The following RADIL variants were observed in gnomAD, a reference collection of about 807,000 sequenced individuals.
RADIL encodes the protein Rap associating with DIL domain.
RADIL carries 99 observed loss-of-function variants against 97.6 expected under a neutral mutation model. The ratio of observed to expected loss-of-function variants is 1.01; its 90% CI spans 0.86 to 1.20. RADIL has a LOEUF of 1.20. Ranked by LOEUF, RADIL falls within the 50% of genes most tolerant of loss-of-function variation. The pLI is 0.00. For synonymous variants in RADIL, 803 were observed against 691.8 expected (o/e 1.16, Z -2.52); for missense variants, 1,765 against 1,498.9 (o/e 1.18, Z -2.93).
chr7:4,878,475 G>C lies in RADIL; in HGVS notation c.-64-272C>G, dbSNP rs1173111988. Among the ~76,000 whole-genome samples, 1 of 152,208 alleles carries C rather than the reference G, an allele frequency of 6.6e-6. No homozygotes were observed. Among genetic ancestry groups the C allele is most frequent in the African/African-American group, 2.4e-5 (1 of 41,450 alleles). ...GGATGGCTTGAGCCCAGGAGTTCAAGATTGCAGTGAGCTATGATAGTGCCA... is the reference window on the plus strand; with the variant it reads ...GGATGGCTTGAGCCCAGGAGTTCAACATTGCAGTGAGCTATGATAGTGCCA... On this transcript the variant is annotated intron_variant, in intron 1 of 14. Transcript: ENST00000399583. This position sits in a 1 kb window ranked among gnomAD's most constrained non-coding sequence, Gnocchi z 4.1.
At chr7:4,809,091 C>T in intron 9 of RADIL, 1 of 984,196 alleles carries the variant, frequency 1.0e-6, no homozygotes, top group African/African-American at 1.8e-5. Context: ...CCTGTAGACG[C>T]TCTGCTCAGG....
At chr7:4,841,564 G>A (rs1201106922) in intron 2 of RADIL, among the ~76,000 whole-genome samples, 1 of 152,188 alleles carries the variant, frequency 6.6e-6, no homozygotes, top group Non-Finnish European at 1.5e-5. Context: ...GCGGGCGCGG[G>A]TCTCCCCTAC....
chr7:4,844,057 A>G (rs575746570), intron 2 of RADIL, among the ~76,000 whole-genome samples: 1 of 152,174 alleles, frequency 6.6e-6, no homozygotes, highest in Non-Finnish European at 1.5e-5. Context: ...CAGGAACAAG[A>G]CAAGGATGCC....
rs2115198100 is a variant in RADIL, at chr7:4,822,086, C to T, written c.1615+308G>A. On this transcript the variant is annotated intron_variant, in intron 6 of 14. Coordinates refer to ENST00000399583, the MANE Select transcript of RADIL (RefSeq NM_018059.5). The surrounding 1 kb of genome is among the most constrained non-coding windows in gnomAD (Gnocchi z 5.3). ...TGAGTGATCTGTGTACCCCCCGGGCCCTCCTGCAAGCAGAAGAGTGGGGCT... is the reference window on the plus strand; with the variant it reads ...TGAGTGATCTGTGTACCCCCCGGGCTCTCCTGCAAGCAGAAGAGTGGGGCT... Among the ~76,000 whole-genome samples, 2 of 152,094 alleles carry T rather than the reference C, an allele frequency of 1.3e-5. No homozygotes were observed. The highest frequency in any genetic ancestry group is 4.8e-5 in the African/African-American group (2 of 41,498).
At chr7:4,832,630 T>C (rs547998845) in intron 4 of RADIL, among the ~76,000 whole-genome samples, 11 of 151,626 alleles carry the variant, frequency 7.3e-5, no homozygotes, top group African/African-American at 2.7e-4. Flanking sequence ...TCCCAGCTAT[T>C]TGGGAGGCTG....
At chr7:4,807,319 C>T (rs1403683407) in intron 9 of RADIL, among the ~76,000 whole-genome samples, 1 of 152,038 alleles carries the variant, frequency 6.6e-6, no homozygotes, top group Non-Finnish European at 1.5e-5. Context: ...CCTTACACAC[C>T]CTTCAAGAAA....
intron 2 of RADIL, chr7:4,860,149 A>C (rs752690211): frequency 8.1e-6 from 13 of 1,614,004 alleles, no homozygotes; most frequent in Non-Finnish European, 1.1e-5. Context: ...GACTGTTTCT[A>C]CCCTGAGAAC....
chr7:4,861,955 C>G (rs1406342379), intron 2 of RADIL: 8 of 483,956 alleles, frequency 1.7e-5, no homozygotes, highest in African/African-American at 1.6e-4. Context: ...GCGCGCCCGC[C>G]GCTTCAGGAG....
At position 4,834,679 on chromosome 7, in the gene RADIL, G is replaced by T; in HGVS notation, c.1344C>A (p.Ala448=). Residue 448 remains alanine (A), a synonymous_variant, in exon 4 of 15, where the codon GCC becomes GCA. Transcript: ENST00000399583. This position sits in a 1 kb window ranked among gnomAD's most constrained non-coding sequence, Gnocchi z 6.0. The part of the protein sequence containing the change: ...FLLCLCIQHS[A]THFQPGTFGQ... The stretch of plus-strand genomic sequence containing the variant: ...CGAATGTGCCCGGCTGGAAGTGGGT[G>T]GCCGAGTGCTGGATGCAGAGGCACA... The T allele has an allele frequency of 7.3e-7, 1 of 1,377,814 alleles. No homozygotes were observed. Among genetic ancestry groups the T allele is most frequent in the Non-Finnish European group, 9.4e-7 (1 of 1,059,980 alleles). The allele number at this position is 1,377,814 out of a possible 1,614,324, so 85.3% of individuals were successfully genotyped here.
intron 2 of RADIL, chr7:4,861,974 C>T: frequency 2.2e-6 from 1 of 461,230 alleles, no homozygotes; most frequent in South Asian, 7.8e-5. Context: ...AGCTTCTCCT[C>T]CTTCCCCTCA....
At chr7:4,802,141 C>A (rs140900725) in intron 11 of RADIL, 146 bp from the exon 12 acceptor site, 1 of 670,892 alleles carries the variant, frequency 1.5e-6, no homozygotes, top group Non-Finnish European at 2.5e-6. Flanking sequence ...CAGCTTGAGA[C>A]GCGCAAGAGG....
At position 4,821,942 on chromosome 7, in the gene RADIL, TGGCAAC is replaced by T. The variant is rs1782844535; in HGVS notation, c.1615+446_1615+451del. Among the ~76,000 whole-genome samples, 1 of 152,094 alleles carries T rather than the reference TGGCAAC, an allele frequency of 6.6e-6. No individual in the cohort carries two copies. The highest frequency in any genetic ancestry group is 1.9e-4 in the East Asian group (1 of 5,188). ...TAATCTACAATTTCACAACAATGACTGGCAACATCTGTCCTTCTGGAATAACGGTGT... is the reference window on the plus strand; with the variant it reads ...TAATCTACAATTTCACAACAATGACTATCTGTCCTTCTGGAATAACGGTGT... On this transcript the variant is annotated intron_variant, in intron 6 of 14. Transcript: ENST00000399583. The surrounding 1 kb of genome is among the most constrained non-coding windows in gnomAD (Gnocchi z 5.2).
intron 2 of RADIL, among the ~76,000 whole-genome samples, chr7:4,863,197 T>C (rs2115036779): frequency 6.6e-6 from 1 of 152,386 alleles, no homozygotes; most frequent in South Asian, 2.1e-4. Flanking sequence ...CATTGAAATA[T>C]CCACTTAAAT....
chr7:4,836,675 C>T (rs1783309795), intron 2 of RADIL, 70 bp from the exon 3 acceptor site: 1 of 1,579,396 alleles, frequency 6.3e-7, no homozygotes, highest in South Asian at 1.1e-5. Context: ...CGGTGGCTCA[C>T]CCCTGTAATC....
rs1783430738 is a variant in RADIL at position 4,841,207 on chromosome 7, G to A, written c.536-4602C>T. Among the ~76,000 whole-genome samples, 6 of 152,316 alleles carry A rather than the reference G, an allele frequency of 3.9e-5. No homozygotes were observed. In the South Asian group the frequency reaches 1.0e-3, roughly 26 times the overall value. The stretch of plus-strand genomic sequence containing the variant: ...CATGTGAGGGACAAGACAGGCCGAG[G>A]TCAGCTGTGGCCCCAACGCCCTCGT... On this transcript the variant is annotated intron_variant, in intron 2 of 14. Coordinates refer to ENST00000399583, the MANE Select transcript of RADIL (RefSeq NM_018059.5).
rs573777716 is a variant in RADIL, at chr7:4,821,101, G to A, written c.1615+1293C>T. On this transcript the variant is annotated intron_variant, in intron 6 of 14. Transcript: ENST00000399583. This position sits in a 1 kb window ranked among gnomAD's most constrained non-coding sequence, Gnocchi z 5.2. Reference sequence around the variant, plus strand: ...CGTCTGGTAGACTGAGCCTGTGGGAGCTCCTGTCCCTGCACACCGGGCCTG... The same window carrying A: ...CGTCTGGTAGACTGAGCCTGTGGGAACTCCTGTCCCTGCACACCGGGCCTG... Among the ~76,000 whole-genome samples the A allele has an allele frequency of 1.3e-5, 2 of 152,208 alleles. No homozygotes were observed. Among genetic ancestry groups the A allele is most frequent in the Non-Finnish European group, 2.9e-5 (2 of 68,020 alleles).
At position 4,798,233 on chromosome 7, in the gene RADIL, G is replaced by A. The variant is rs1781973744; in HGVS notation, c.*1145C>T. The A allele has an allele frequency of 6.6e-6, 1 of 152,122 alleles. No individual in the cohort carries two copies. Among genetic ancestry groups the A allele is most frequent in the African/African-American group, 2.4e-5 (1 of 41,526 alleles). 9.4% of individuals were successfully genotyped at this position (152,122 alleles called of 1,614,324 possible). The stretch of plus-strand genomic sequence containing the variant: ...ATGCGGAGCCGCACACAGAACTGCG[G>A]GTCGGCAGAGGGCGCGGGGCGGACG... On this transcript the variant is annotated 3_prime_UTR_variant, in exon 15 of 15. Coordinates refer to ENST00000399583, the MANE Select transcript of RADIL (RefSeq NM_018059.5).
chr7:4,823,331 C>CTTTTTTTTTTT (rs60439750), intron 5 of RADIL, among the ~76,000 whole-genome samples: 1 of 129,592 alleles, frequency 7.7e-6, no homozygotes, highest in African/African-American at 3.0e-5. Context: ...TATTAAAAAC[C>CTTTTTTTTTTT]TTTTTTTTTT....
At chr7:4,882,682 T>C (rs910381362) in intron 1 of RADIL, among the ~76,000 whole-genome samples, 21 of 152,184 alleles carry the variant, frequency 1.4e-4, no homozygotes, top group Admixed American at 1.3e-4. Context: ...ATCCTATCTT[T>C]ACAGCCCCAG....
Sources: allele counts gnomAD v4.1 joint callset (sites outside exome capture counted in the v4.1 genomes callset), GRCh38; gene constraint gnomAD v4.1.1; non-coding constraint Gnocchi (gnomAD v3.1); transcripts MANE v1.5; gene names NCBI Gene and HGNC (gene_info 2026-07-23, HGNC 2026-07-21).